The following APC variants were observed in gnomAD, a reference collection of about 807,000 sequenced individuals.
The protein encoded by APC is adenomatous polyposis coli protein.
Under a neutral mutation model 247.0 loss-of-function variants are expected in APC, and 72 were observed. That is an observed-to-expected ratio of 0.29 (90% CI 0.24 to 0.35). The LOEUF (loss-of-function observed/expected upper bound fraction) is 0.35. APC is among the 10% of genes least tolerant of loss of function. The pLI, the probability that APC is intolerant of heterozygous loss-of-function variation, is 1.00. For missense variants in APC, 3,400 were observed against 3,360.7 expected, an observed-to-expected ratio of 1.01 and a Z score of -0.29; for synonymous variants, 1,254 against 1,162.5, an observed-to-expected ratio of 1.08 and a Z score of -1.60.
At chr5:112,768,287 C>T (rs538620360) in intron 4 of APC, among the ~76,000 whole-genome samples, 4 of 151,416 alleles carry the variant, frequency 2.6e-5, no homozygotes, top group Non-Finnish European at 5.9e-5. Context: ...AGGTGATTCC[C>T]CCCTGCCTCG....
chr5:112,827,341 C>A, intron 12 of APC, 94 bp downstream of exon 12: 1 of 1,362,718 alleles, frequency 7.3e-7, no homozygotes, highest in African/African-American at 1.4e-5. Flanking sequence ...TTTTTTTTCA[C>A]TCTCCTCATT....
At position 112,792,434 on chromosome 5, in the gene APC, GT is replaced by G; in HGVS notation, c.646-8del. ...AAAAACATAACTAATTAGGTTTCTT[GT>G]TTTATTTTAGCGAAGAATAGCCAGA... On this transcript the variant is annotated splice_polypyrimidine_tract_variant and intron_variant, in intron 6 of 15. Coordinates refer to ENST00000257430, the MANE Select transcript of APC (RefSeq NM_000038.6). 1 of 1,595,572 alleles carries G rather than the reference GT, an allele frequency of 6.3e-7. No individual in the cohort carries two copies. Among genetic ancestry groups the G allele is most frequent in the Middle Eastern group, 1.7e-4 (1 of 5,876 alleles).
intron 4 of APC, among the ~76,000 whole-genome samples, chr5:112,769,818 A>G (rs1756825602): frequency 1.3e-5 from 2 of 152,238 alleles, no homozygotes; most frequent in Admixed American, 1.3e-4. Flanking sequence ...AGTTTCATAT[A>G]TGCCCATTTA....
At chr5:112,817,373 A>G (rs544715272) in intron 9 of APC, among the ~76,000 whole-genome samples, 3 of 152,324 alleles carry the variant, frequency 2.0e-5, no homozygotes, top group South Asian at 2.1e-4. Context: ...AGAATAATCA[A>G]TGATATTCTC....
intron 9 of APC, 69 bp from the exon 10 acceptor site, chr5:112,818,897 C>G (rs2149777889): frequency 7.6e-7 from 1 of 1,315,198 alleles, no homozygotes; most frequent in Non-Finnish European, 1.0e-6. Context: ...TCCCATTCAT[C>G]ACTTAATTGG....
intron 2 of APC, among the ~76,000 whole-genome samples, chr5:112,760,730 G>C (rs1339135799): frequency 6.6e-6 from 1 of 152,092 alleles, no homozygotes. Context: ...TTTTCTATCT[G>C]AATATAGAGA....
intron 1 of APC, among the ~76,000 whole-genome samples, chr5:112,724,621 C>T (rs2149662282): frequency 6.6e-6 from 1 of 151,762 alleles, no homozygotes; most frequent in South Asian, 2.1e-4. Context: ...GGGGTGGGGG[C>T]AGATCTTACT....
At chr5:112,798,694 C>T (rs1371530372) in intron 7 of APC, among the ~76,000 whole-genome samples, 2 of 151,764 alleles carry the variant, frequency 1.3e-5, no homozygotes, top group Non-Finnish European at 2.9e-5. Flanking sequence ...TTCAGTGTAT[C>T]GAAGCGTGCA....
chr5:112,779,756 G>A (rs1758121455), intron 5 of APC, among the ~76,000 whole-genome samples: 1 of 151,966 alleles, frequency 6.6e-6, no homozygotes, highest in South Asian at 2.1e-4. Flanking sequence ...ATAACATGCA[G>A]ACTATTTCAT....
At position 112,843,225 on chromosome 5, in the gene APC, C is replaced by T. The variant is rs2149990945; in HGVS notation, c.7631C>T (p.Ser2544Leu). The T allele has an allele frequency of 6.2e-7, 1 of 1,613,852 alleles. No homozygotes were observed. The highest frequency in any genetic ancestry group is 8.5e-7 in the Non-Finnish European group (1 of 1,179,788). ...ESPSRLPINR[S>L]GTWKREHSKH... ...CCTTCTAGACTTCCAATCAATAGGT[C>T]AGGAACCTGGAAACGTGAGCACAGC... Residue 2544 changes from serine (S) to leucine (L), a missense_variant, in exon 16 of 16, where the codon TCA (serine) becomes TTA (leucine). Ser to Leu is a moderately radical substitution (Grantham distance 145). This residue lies in a region of APC where 1,788 missense variants were observed against 1,649.5 expected (regional missense o/e 1.08). Coordinates refer to ENST00000257430, the MANE Select transcript of APC (RefSeq NM_000038.6). The surrounding 1 kb of genome is among the most constrained non-coding windows in gnomAD (Gnocchi z 4.8).
At chr5:112,770,043 T>A (rs1756860358) in intron 4 of APC, among the ~76,000 whole-genome samples, 1 of 152,160 alleles carries the variant, frequency 6.6e-6, no homozygotes, top group Non-Finnish European at 1.5e-5. Context: ...TTTCCTTACT[T>A]GCTTTCTTTT....
At chr5:112,780,660 A>C (rs1215089685) in intron 5 of APC, 130 bp from the exon 6 acceptor site, 3 of 663,440 alleles carry the variant, frequency 4.5e-6, no homozygotes, top group Non-Finnish European at 8.1e-6. Flanking sequence ...AGTAAAAAAT[A>C]ATTTTCTCAT....
At position 112,791,763 on chromosome 5, in the gene APC, A is replaced by T. The variant is rs1037908084; in HGVS notation, c.646-683A>T. Among the ~76,000 whole-genome samples, 3 of 152,236 alleles carry T rather than the reference A, an allele frequency of 2.0e-5. No individual in the cohort carries two copies. In the East Asian group the frequency reaches 5.8e-4, roughly 29 times the overall value. On this transcript the variant is annotated intron_variant, in intron 6 of 15. Transcript: ENST00000257430. Reference sequence around the variant, plus strand: ...ATATTGTATTAATGTCTCGATTAATATAAAAGATTAAATGCAGGTGTAATT... The same window carrying T: ...ATATTGTATTAATGTCTCGATTAATTTAAAAGATTAAATGCAGGTGTAATT...
rs781535021 is a variant in APC at position 112,839,496 on chromosome 5, C to A, written c.3902C>A (p.Thr1301Asn). The change falls in exon 16 of 16, where the codon ACC becomes AAC. Residue 1301 changes from threonine (T) to asparagine (N), a missense_variant. Around this residue, in one of 9 missense-constraint regions of APC, gnomAD observed 715 missense variants for 656.6 expected, o/e 1.09. Coordinates refer to ENST00000257430, the MANE Select transcript of APC (RefSeq NM_000038.6). The surrounding 1 kb of genome is among the most constrained non-coding windows in gnomAD (Gnocchi z 5.0). ...ACACAGGAAGCAGATTCTGCTAATACCCTGCAAATAGCAGAAATAAAAGAA... is the reference window on the plus strand; with the variant it reads ...ACACAGGAAGCAGATTCTGCTAATAACCTGCAAATAGCAGAAATAAAAGAA... ...QTTQEADSAN[T>N]LQIAEIKEKI... The A allele has an allele frequency of 6.2e-7, 1 of 1,614,150 alleles. No individual in the cohort carries two copies. Among genetic ancestry groups the A allele is most frequent in the Non-Finnish European group, 8.5e-7 (1 of 1,180,022 alleles).
In APC at chr5:112,750,700, A is replaced by G. The variant is rs181739814; in HGVS notation, c.-18-4173A>G. On this transcript the variant is annotated intron_variant, in intron 1 of 15. Coordinates refer to ENST00000257430, the MANE Select transcript of APC (RefSeq NM_000038.6). ...GTAACGGACATCATTACTTTAGAGA[A>G]CTCTACTTGGCCCTCTGTGTGTCTT... 3.3e-5 allele frequency among the ~76,000 whole-genome samples: 5 copies of G among 152,204 alleles called. No homozygotes were observed. In the East Asian group the frequency reaches 7.7e-4, roughly 23 times the overall value.
chr5:112,730,920 G>A (rs1230995369), intron 1 of APC, among the ~76,000 whole-genome samples: 2 of 151,978 alleles, frequency 1.3e-5, no homozygotes, highest in East Asian at 3.9e-4. Flanking sequence ...CGAAATTCTT[G>A]TAATTCCTAG....
At chr5:112,789,857 A>AT (rs71626674) in intron 6 of APC, among the ~76,000 whole-genome samples, 26,820 of 147,226 alleles carry the variant, frequency 0.18, 2,939 homozygotes, top group Non-Finnish European at 0.25. Context: ...CTTAAAGAAT[A>AT]TTTTTTTTTT....
chr5:112,798,900 A>G (rs1760490424), intron 7 of APC, among the ~76,000 whole-genome samples: 1 of 152,076 alleles, frequency 6.6e-6, no homozygotes, highest in African/African-American at 2.4e-5. Context: ...CTGTGCCTCC[A>G]TCTCTTTATC....
intron 2 of APC, among the ~76,000 whole-genome samples, chr5:112,759,356 C>CTTTCT (rs1554067902): frequency 1.6e-4 from 20 of 122,338 alleles, no homozygotes; most frequent in African/African-American, 5.9e-4. Flanking sequence ...TTCTTTCTTT[C>CTTTCT]TTTTTTTTTT....
Sources: gnomAD v4.1 joint callset for allele counts (sites outside exome capture counted in the v4.1 genomes callset) on GRCh38, gnomAD v4.1.1 for gene constraint, gnomAD v4.1.1 regional missense constraint, Gnocchi (gnomAD v3.1) non-coding constraint, MANE v1.5 for transcripts, NCBI Gene and HGNC (gene_info 2026-07-23, HGNC 2026-07-21) for gene names.